GRIK1: variants seen among roughly 807,000 people sequenced by gnomAD.
The protein encoded by GRIK1 is glutamate ionotropic receptor kainate type subunit 1.
In GRIK1, 69 loss-of-function variants were observed where a neutral mutation model predicts 105.7. The ratio of observed to expected loss-of-function variants is 0.65; its 90% CI spans 0.54 to 0.80. GRIK1 has a LOEUF of 0.80. Ranked by LOEUF, GRIK1 falls within the 30% of genes least tolerant of loss-of-function variation. The pLI is 0.00. For missense variants in GRIK1, 1,109 were observed against 1,167.3 expected, an observed-to-expected ratio of 0.95 and a Z score of 0.73; for synonymous variants, 438 against 431.3, an observed-to-expected ratio of 1.02 and a Z score of -0.19.
At chr21:29,757,686 G>A (rs918604245) in intron 1 of GRIK1, among the ~76,000 whole-genome samples, 22 of 152,280 alleles carry the variant, frequency 1.4e-4, no homozygotes, top group African/African-American at 5.3e-4. Context: ...TTTTCCCCCA[G>A]AGGACTTAAC....
intron 3 of GRIK1, among the ~76,000 whole-genome samples, chr21:29,676,000 A>G (rs1334199394): frequency 6.6e-6 from 1 of 152,226 alleles, no homozygotes; most frequent in Non-Finnish European, 1.5e-5. Context: ...TTTCTAGACC[A>G]GCACACAATA....
In GRIK1 at chr21:29,587,460, C is replaced by T. The variant is rs536890189; in HGVS notation, c.1699G>A (p.Val567Ile). ...YRKPNGTNPG[V>I]FSFLNPLSPD... ...GACAGGGGGTTGAGGAAGGAGAAAA[C>T]GCCTGGATTGGTACCATTGGGCTTC... Residue 567 changes from valine to isoleucine, a missense_variant, in exon 12 of 18, where the codon GTT (valine) becomes ATT (isoleucine). Val to Ile is a conservative substitution (Grantham distance 29). This residue lies in a region of GRIK1 where 264 missense variants were observed against 306.9 expected (regional missense o/e 0.86). Coordinates refer to ENST00000327783, the MANE Select transcript of GRIK1 (RefSeq NM_001330994.2). The T allele has an allele frequency of 6.4e-5, 104 of 1,613,626 alleles. 1 individual carries two copies. The South Asian group carries it at 7.1e-4, about 11-fold the overall frequency.
chr21:29,558,241 G>C (rs1398935478), intron 15 of GRIK1, among the ~76,000 whole-genome samples: 1 of 152,080 alleles, frequency 6.6e-6, no homozygotes, highest in Admixed American at 6.6e-5. Flanking sequence ...GGCAAGACTA[G>C]AAGTGTACAG....
chr21:29,892,452 C>T (rs2069937705), intron 1 of GRIK1, among the ~76,000 whole-genome samples: 1 of 152,166 alleles, frequency 6.6e-6, no homozygotes, highest in South Asian at 2.1e-4. Context: ...TAATTGGGAG[C>T]TTGGATTTGA....
At chr21:29,757,064 C>G (rs1349643405) in intron 1 of GRIK1, among the ~76,000 whole-genome samples, 1 of 152,004 alleles carries the variant, frequency 6.6e-6, no homozygotes, top group Non-Finnish European at 1.5e-5. Flanking sequence ...TTGCAGTGAG[C>G]CAAGATCGCA....
chr21:29,786,229 C>T (rs988582290), intron 1 of GRIK1, among the ~76,000 whole-genome samples: 9 of 152,196 alleles, frequency 5.9e-5, no homozygotes, highest in Admixed American at 5.9e-4. Flanking sequence ...CCCTGTGATC[C>T]GCCCGCCTCA....
At chr21:29,778,528 C>T (rs771783457) in intron 1 of GRIK1, among the ~76,000 whole-genome samples, 2 of 152,170 alleles carry the variant, frequency 1.3e-5, no homozygotes, top group Non-Finnish European at 2.9e-5. Flanking sequence ...CATATGCTGT[C>T]TCTTATCAGA....
chr21:29,747,632 C>T (rs561118462), intron 1 of GRIK1, among the ~76,000 whole-genome samples: 54 of 152,204 alleles, frequency 3.5e-4, no homozygotes, highest in Non-Finnish European at 5.6e-4. Context: ...AGATCGAGAC[C>T]ATCCTGGCCA....
chr21:29,701,533 G>A (rs763028100), intron 1 of GRIK1, among the ~76,000 whole-genome samples: 10 of 152,174 alleles, frequency 6.6e-5, no homozygotes, highest in Non-Finnish European at 1.3e-4. Context: ...AGATCACAGA[G>A]GGCCTTAAGG....
At chr21:29,571,888 T>C (rs2090758789) in intron 14 of GRIK1, among the ~76,000 whole-genome samples, 1 of 152,248 alleles carries the variant, frequency 6.6e-6, no homozygotes, top group South Asian at 2.1e-4. Flanking sequence ...TTCCTTGTGA[T>C]TGAGTGGAGA....
intron 1 of GRIK1, among the ~76,000 whole-genome samples, chr21:29,857,376 C>T (rs992941999): frequency 2.0e-5 from 3 of 152,108 alleles, no homozygotes; most frequent in East Asian, 3.9e-4. Flanking sequence ...TGCAGTCTGG[C>T]GAGAATGCAG....
At chr21:29,759,410 G>A (rs992171736) in intron 1 of GRIK1, among the ~76,000 whole-genome samples, 2 of 152,276 alleles carry the variant, frequency 1.3e-5, no homozygotes, top group East Asian at 1.9e-4. Flanking sequence ...GAGACACCAC[G>A]CCCTGCCCAG....
chr21:29,736,204 TATTATG>T (rs61484653), intron 1 of GRIK1, among the ~76,000 whole-genome samples: 114,612 of 150,728 alleles, frequency 0.76, 45,851 homozygotes, highest in South Asian at 0.89. Context: ...CTGGTATTGT[TATTATG>T]ATTATGATTA....
chr21:29,836,705 C>T (rs2067816783), intron 1 of GRIK1, among the ~76,000 whole-genome samples: 1 of 151,850 alleles, frequency 6.6e-6, no homozygotes, highest in Non-Finnish European at 1.5e-5. Context: ...TATCATAAGC[C>T]CACAAATCTC....
chr21:29,607,749 G>T (rs1741054386), intron 7 of GRIK1, among the ~76,000 whole-genome samples: 1 of 151,836 alleles, frequency 6.6e-6, no homozygotes, highest in Non-Finnish European at 1.5e-5. Flanking sequence ...ATTTGTTTTT[G>T]GTTTCCTGAA....
At chr21:29,685,063 C>A (rs1055825423) in intron 3 of GRIK1, among the ~76,000 whole-genome samples, 2 of 152,128 alleles carry the variant, frequency 1.3e-5, no homozygotes, top group Admixed American at 1.3e-4. Context: ...TATCTAATAT[C>A]TAAAATAATA....
intron 1 of GRIK1, among the ~76,000 whole-genome samples, chr21:29,893,176 T>C (rs2069970217): frequency 6.6e-6 from 1 of 152,230 alleles, no homozygotes; most frequent in South Asian, 2.1e-4. Context: ...GATGAAGTGA[T>C]TTCATTCACA....
chr21:29,927,385 T>C (rs1330139511), intron 1 of GRIK1, among the ~76,000 whole-genome samples: 2 of 150,558 alleles, frequency 1.3e-5, no homozygotes, highest in Non-Finnish European at 1.5e-5. Flanking sequence ...TGTATATAGT[T>C]ATATGTGAAT....
chr21:29,819,947 T>C (rs1190738684), intron 1 of GRIK1, among the ~76,000 whole-genome samples: 1 of 151,968 alleles, frequency 6.6e-6, no homozygotes, highest in Non-Finnish European at 1.5e-5. Flanking sequence ...GAGACTAAGA[T>C]GAGTCTGAAG....
Sources: gnomAD v4.1 joint callset for allele counts (sites outside exome capture counted in the v4.1 genomes callset) on GRCh38, gnomAD v4.1.1 for gene constraint, gnomAD v4.1.1 regional missense constraint, MANE v1.5 for transcripts, NCBI Gene and HGNC (gene_info 2026-07-23, HGNC 2026-07-21) for gene names.